GLIS3: variants seen among roughly 807,000 people sequenced by gnomAD.
The protein encoded by GLIS3 is zinc finger protein GLIS3.
Under a neutral mutation model 78.6 loss-of-function variants are expected in GLIS3, and 53 were observed. The ratio of observed to expected loss-of-function variants is 0.67; its 90% CI spans 0.54 to 0.85. GLIS3 has a LOEUF of 0.85. Ranked by LOEUF, GLIS3 falls within the 40% of genes least tolerant of loss-of-function variation. GLIS3 has a pLI of 0.00. For missense variants in GLIS3, 1,703 were observed against 1,231.1 expected (o/e 1.38, Z -5.74); for synonymous variants, 684 against 509.9 (o/e 1.34, Z -4.60).
chr9:4,456,773 A>G, the GLIS3 span, among the ~76,000 whole-genome samples: 1 of 152,144 alleles, frequency 6.6e-6, no homozygotes, highest in African/African-American at 2.4e-5. Context: ...AAGCCTGAGG[A>G]GAGGGAAAAA....
the GLIS3 span, among the ~76,000 whole-genome samples, chr9:4,486,813 C>T: frequency 6.6e-6 from 1 of 152,092 alleles, no homozygotes; most frequent in Non-Finnish European, 1.5e-5. Context: ...CCTCAGCCTC[C>T]CAAGTAGTGA....
intron 2 of GLIS3, among the ~76,000 whole-genome samples, chr9:4,142,891 G>T (rs887842436): frequency 1.3e-5 from 2 of 152,072 alleles, no homozygotes; most frequent in East Asian, 3.9e-4. Context: ...GAAATTTTGA[G>T]AAATCAAATT....
intron 4 of GLIS3, among the ~76,000 whole-genome samples, chr9:4,018,655 G>T (rs114275986): frequency 6.6e-6 from 1 of 152,078 alleles, no homozygotes; most frequent in African/African-American, 2.4e-5. Context: ...TCTCAACTGC[G>T]TTCCACCTAA....
At chr9:4,005,846 C>T (rs1006504186) in intron 4 of GLIS3, among the ~76,000 whole-genome samples, 1 of 152,074 alleles carries the variant, frequency 6.6e-6, no homozygotes, top group Non-Finnish European at 1.5e-5. Flanking sequence ...AATGAAAAAA[C>T]ATTTGTTAGG....
At chr9:4,201,399 T>A (rs1819380707) in intron 2 of GLIS3, among the ~76,000 whole-genome samples, 1 of 152,168 alleles carries the variant, frequency 6.6e-6, no homozygotes, top group African/African-American at 2.4e-5. Flanking sequence ...AACTGTCCCG[T>A]CTTTGTGGAA....
chr9:4,457,041 G>A, the GLIS3 span, among the ~76,000 whole-genome samples: 1 of 152,084 alleles, frequency 6.6e-6, no homozygotes, highest in Non-Finnish European at 1.5e-5. Flanking sequence ...TCTACTCAGG[G>A]TTGCCACAAA....
At chr9:4,161,949 G>T (rs1356027864) in intron 2 of GLIS3, among the ~76,000 whole-genome samples, 1 of 151,988 alleles carries the variant, frequency 6.6e-6, no homozygotes, top group African/African-American at 2.4e-5. Flanking sequence ...GCCTCCCAAA[G>T]TGGTGGGATT....
At chr9:4,432,635 TTCC>T in the GLIS3 span, among the ~76,000 whole-genome samples, 1 of 145,192 alleles carries the variant, frequency 6.9e-6, no homozygotes, top group African/African-American at 2.5e-5. Context: ...ATTTTTTTAT[TTCC>T]TTTTTTTTTT....
At chr9:4,264,713 AT>A (rs1246230526) in intron 2 of GLIS3, among the ~76,000 whole-genome samples, 18 of 152,124 alleles carry the variant, frequency 1.2e-4, no homozygotes, top group Admixed American at 9.8e-4. Context: ...GAAACCCATT[AT>A]TCTGCTTTGT....
At chr9:4,204,758 C>G (rs1024897135) in intron 2 of GLIS3, among the ~76,000 whole-genome samples, 1 of 151,948 alleles carries the variant, frequency 6.6e-6, no homozygotes, top group African/African-American at 2.4e-5. Flanking sequence ...TAGTAAAATA[C>G]AAAAAATTAG....
the GLIS3 span, among the ~76,000 whole-genome samples, chr9:4,353,992 TA>T: frequency 1.2e-5 from 1 of 85,764 alleles, no homozygotes; most frequent in South Asian, 4.6e-4. Flanking sequence ...CACACCCGGC[TA>T]TTTTTTTTTT....
intron 4 of GLIS3, among the ~76,000 whole-genome samples, chr9:3,995,151 C>T (rs1820644855): frequency 6.6e-6 from 1 of 151,940 alleles, no homozygotes; most frequent in African/African-American, 2.4e-5. Context: ...CAGAGTGAGG[C>T]AGTTGGCAAA....
intron 2 of GLIS3, chr9:4,152,323 G>C (rs1834746772): frequency 6.5e-6 from 1 of 153,322 alleles, no homozygotes. Context: ...TAGGAGGAGG[G>C]GAATGGAAGA....
At chr9:4,473,226 C>T in the GLIS3 span, among the ~76,000 whole-genome samples, 6 of 151,946 alleles carry the variant, frequency 3.9e-5, no homozygotes, top group Non-Finnish European at 7.4e-5. Context: ...TGGAATACTA[C>T]GCAGCCATAG....
the GLIS3 span, among the ~76,000 whole-genome samples, chr9:4,472,220 C>T: frequency 6.6e-6 from 1 of 152,168 alleles, no homozygotes; most frequent in Admixed American, 6.5e-5. Flanking sequence ...GGATCTAGAA[C>T]TAGAAATACC....
chr9:4,378,754 A>T, the GLIS3 span, among the ~76,000 whole-genome samples: 1 of 152,188 alleles, frequency 6.6e-6, no homozygotes, highest in Non-Finnish European at 1.5e-5. Context: ...TCTTGATAGC[A>T]TGTGTAGGGT....
chr9:3,917,513 C>CT (rs1405355361), intron 6 of GLIS3, among the ~76,000 whole-genome samples: 13 of 152,152 alleles, frequency 8.5e-5, no homozygotes, highest in Admixed American at 7.2e-4. Flanking sequence ...AATAAAACTC[C>CT]TTTTTAACTT....
At chr9:4,169,165 C>A (rs1165485300) in intron 2 of GLIS3, among the ~76,000 whole-genome samples, 1 of 152,148 alleles carries the variant, frequency 6.6e-6, no homozygotes. Context: ...AACTGGTACT[C>A]CTCTGACTTT....
chr9:4,450,440 G>T, the GLIS3 span, among the ~76,000 whole-genome samples: 6 of 152,154 alleles, frequency 3.9e-5, no homozygotes, highest in Non-Finnish European at 8.8e-5. Context: ...TATTATCCAG[G>T]AGAACATCCC....
Sources: allele counts gnomAD v4.1 joint callset (sites outside exome capture counted in the v4.1 genomes callset), GRCh38; gene constraint gnomAD v4.1.1; transcripts MANE v1.5; gene names NCBI Gene and HGNC (gene_info 2026-07-23, HGNC 2026-07-21).